The following TRABD2B variants were observed in gnomAD, a reference collection of about 807,000 sequenced individuals.
TRABD2B encodes metalloprotease TIKI2.
A neutral mutation model predicts 40.1 loss-of-function variants in TRABD2B; 14 were observed. The observed-to-expected ratio is 0.35, with a 90% CI of 0.23 to 0.55. The LOEUF is 0.55. Ranked by LOEUF, TRABD2B falls within the 20% of genes least tolerant of loss-of-function variation. TRABD2B has a pLI of 0.90. For missense variants in TRABD2B, 541 were observed against 648.6 expected (o/e 0.83, Z 1.80); for synonymous variants, 263 against 277.0 (o/e 0.95, Z 0.50).
Position 47,928,843 on chromosome 1 carries a change from C to T in TRABD2B, c.666+65191G>A, listed in dbSNP as rs186985932. Among the ~76,000 whole-genome samples the T allele has an allele frequency of 3.5e-4, 53 of 152,336 alleles. 1 individual carries two copies. The highest frequency in any genetic ancestry group is 1.2e-3 in the African/African-American group (49 of 41,580). On this transcript the variant is annotated intron_variant, in intron 2 of 6. Coordinates refer to ENST00000606738, the MANE Select transcript of TRABD2B (RefSeq NM_001194986.2). ...TTTCACATGTCTGGATTCTGGTCAT[C>T]CTTCAAGGCCCAGCCTAAACATCAT...
chr1:47,777,512 G>A lies in TRABD2B; in HGVS notation c.1079+942C>T, dbSNP rs569176896. Among the ~76,000 whole-genome samples, 19 of 152,296 alleles carry A rather than the reference G, an allele frequency of 1.2e-4. No homozygotes were observed. The South Asian group carries it at 3.7e-3, about 30-fold the overall frequency. The stretch of plus-strand genomic sequence containing the variant: ...CTGGAGCCAGACTGCCACTTACACC[G>A]CTGTGTGTCCTTCTGCAAGTGACTT... On this transcript the variant is annotated intron_variant, in intron 5 of 6. Coordinates refer to ENST00000606738, the MANE Select transcript of TRABD2B (RefSeq NM_001194986.2).
intron 6 of TRABD2B, among the ~76,000 whole-genome samples, chr1:47,772,950 T>C (rs974378568): frequency 1.3e-5 from 2 of 152,238 alleles, no homozygotes; most frequent in Non-Finnish European, 2.9e-5. Flanking sequence ...GGGGCTCCCT[T>C]CTTGCCAAAG....
In TRABD2B at chr1:47,765,178, G is replaced by A. The variant is rs1644287411; in HGVS notation, c.*724C>T. 6.6e-6 allele frequency: 1 copy of A among 152,252 alleles called. No homozygotes were observed. The allele number at this position is 152,252 out of a possible 1,614,324, so 9.4% of individuals were successfully genotyped here. ...CGTGTGACCTTGGGCTACCCACCTGGTTCTCTCTGGATCTCAGTTTATTCA... is the reference window on the plus strand; with the variant it reads ...CGTGTGACCTTGGGCTACCCACCTGATTCTCTCTGGATCTCAGTTTATTCA... On this transcript the variant is annotated 3_prime_UTR_variant, in exon 7 of 7. Transcript: ENST00000606738.
intron 2 of TRABD2B, among the ~76,000 whole-genome samples, chr1:47,924,543 A>T (rs1352306482): frequency 1.3e-5 from 2 of 152,112 alleles, no homozygotes; most frequent in Non-Finnish European, 1.5e-5. Flanking sequence ...GAACAGATGC[A>T]CCCAGCCCTT....
chr1:47,875,902 C>G (rs1644219349), intron 2 of TRABD2B, among the ~76,000 whole-genome samples: 1 of 152,176 alleles, frequency 6.6e-6, no homozygotes, highest in South Asian at 2.1e-4. Flanking sequence ...ACACTCACAT[C>G]TATTTATATT....
chr1:47,847,879 C>T (rs1570115284), intron 2 of TRABD2B, among the ~76,000 whole-genome samples: 1 of 152,222 alleles, frequency 6.6e-6, no homozygotes, highest in African/African-American at 2.4e-5. Flanking sequence ...CGCCTCATTA[C>T]AGCCCTCAGA....
intron 2 of TRABD2B, among the ~76,000 whole-genome samples, chr1:47,832,493 G>A (rs1229064021): frequency 6.6e-6 from 1 of 152,182 alleles, no homozygotes; most frequent in Non-Finnish European, 1.5e-5. Context: ...ACTAGCAGGG[G>A]CTTAGCAAAT....
At chr1:47,929,020 C>T (rs557113417) in intron 2 of TRABD2B, among the ~76,000 whole-genome samples, 1 of 152,370 alleles carries the variant, frequency 6.6e-6, no homozygotes, top group African/African-American at 2.4e-5. Context: ...GGCACAGATG[C>T]TTCTTGCCTC....
At chr1:47,853,366 T>C (rs568070519) in intron 2 of TRABD2B, among the ~76,000 whole-genome samples, 1 of 152,338 alleles carries the variant, frequency 6.6e-6, no homozygotes, top group South Asian at 2.1e-4. Context: ...GCAGCATCTG[T>C]GTTTGGACAG....
At chr1:47,958,755 T>C (rs1223079769) in intron 2 of TRABD2B, among the ~76,000 whole-genome samples, 1 of 152,096 alleles carries the variant, frequency 6.6e-6, no homozygotes, top group Non-Finnish European at 1.5e-5. Flanking sequence ...TCCCACACAG[T>C]AATAATGGGA....
chr1:47,842,856 CAT>C (rs1163660436), intron 2 of TRABD2B, among the ~76,000 whole-genome samples: 2 of 152,112 alleles, frequency 1.3e-5, no homozygotes, highest in Non-Finnish European at 2.9e-5. Flanking sequence ...TGTGGACAAA[CAT>C]AAAGCAAAGT....
At chr1:47,883,629 G>A (rs1435673145) in intron 2 of TRABD2B, among the ~76,000 whole-genome samples, 2 of 152,182 alleles carry the variant, frequency 1.3e-5, no homozygotes, top group African/African-American at 2.4e-5. Flanking sequence ...TGGATGGTTA[G>A]CCAGACCCAG....
At chr1:47,933,092 C>T (rs1645060840) in intron 2 of TRABD2B, among the ~76,000 whole-genome samples, 1 of 142,694 alleles carries the variant, frequency 7.0e-6, no homozygotes, top group African/African-American at 2.6e-5. Context: ...CCTCCGTGAG[C>T]CCCCATCTCC....
chr1:47,967,470 C>T (rs1000643707), intron 2 of TRABD2B, among the ~76,000 whole-genome samples: 1 of 152,168 alleles, frequency 6.6e-6, no homozygotes, highest in African/African-American at 2.4e-5. Flanking sequence ...CACATCCATA[C>T]ACTTGACTCC....
chr1:47,827,727 C>CT (rs1385822340), intron 2 of TRABD2B, among the ~76,000 whole-genome samples: 1 of 152,100 alleles, frequency 6.6e-6, no homozygotes, highest in Non-Finnish European at 1.5e-5. Flanking sequence ...AGGTACCCCC[C>CT]TTTTTAAACA....
chr1:47,845,082 A>C (rs1196556308), intron 2 of TRABD2B, among the ~76,000 whole-genome samples: 2 of 152,098 alleles, frequency 1.3e-5, no homozygotes, highest in African/African-American at 4.8e-5. Context: ...CCCGTCCATC[A>C]ATCTCCAGAC....
chr1:47,960,467 G>A (rs961619416), intron 2 of TRABD2B, among the ~76,000 whole-genome samples: 21 of 152,192 alleles, frequency 1.4e-4, no homozygotes, highest in Admixed American at 9.2e-4. Flanking sequence ...TAGAAAACCC[G>A]ATTGTCTCAG....
intron 6 of TRABD2B, among the ~76,000 whole-genome samples, chr1:47,772,954 G>T (rs539773260): frequency 3.1e-4 from 47 of 152,338 alleles, no homozygotes; most frequent in African/African-American, 1.1e-3. Flanking sequence ...CTCCCTTCTT[G>T]CCAAAGAAAA....
At chr1:47,768,613 C>T (rs1183985116) in intron 6 of TRABD2B, among the ~76,000 whole-genome samples, 1 of 152,186 alleles carries the variant, frequency 6.6e-6, no homozygotes, top group Non-Finnish European at 1.5e-5. Flanking sequence ...AAACCTTGTA[C>T]ATTTCTCATT....
Sources: gnomAD v4.1 joint callset for allele counts (sites outside exome capture counted in the v4.1 genomes callset) on GRCh38, gnomAD v4.1.1 for gene constraint, MANE v1.5 for transcripts, NCBI Gene and HGNC (gene_info 2026-07-23, HGNC 2026-07-21) for gene names.